Variants in RNF13 observed in about 807,000 individuals in gnomAD.
RNF13 encodes the protein E3 ubiquitin-protein ligase RNF13.
A neutral mutation model predicts 37.7 loss-of-function variants in RNF13; 19 were observed. That is an observed-to-expected ratio of 0.50 (90% CI 0.35 to 0.74). The LOEUF is 0.74. Among genes scored for constraint, RNF13 ranks in the 30% least tolerant of loss-of-function variants. The probability of loss-of-function intolerance (pLI) is 0.01; values close to 1 mark genes in which losing one functional copy is unlikely to be tolerated. For missense variants in RNF13, 375 were observed against 453.0 expected (o/e 0.83, Z 1.56); for synonymous variants, 144 against 157.8 (o/e 0.91, Z 0.65).
At chr3:149,925,699 G>T (rs1718566640) in intron 8 of RNF13, among the ~76,000 whole-genome samples, 1 of 151,730 alleles carries the variant, frequency 6.6e-6, no homozygotes, top group Non-Finnish European at 1.5e-5. Flanking sequence ...TGGTGCATAT[G>T]TCCATGAATT....
intron 6 of RNF13, among the ~76,000 whole-genome samples, chr3:149,906,645 C>CTTTTTTTTTTTTTTTTTTTTT (rs35801459): frequency 1.3e-4 from 10 of 79,150 alleles, no homozygotes; most frequent in South Asian, 5.8e-4. Flanking sequence ...TTCAATTCTG[C>CTTTTTTTTTTTTTTTTTTTTT]TTTTTTTTTT....
chr3:149,932,199 C>A (rs1719225090), intron 8 of RNF13, among the ~76,000 whole-genome samples: 1 of 152,144 alleles, frequency 6.6e-6, no homozygotes, highest in Admixed American at 6.5e-5. Flanking sequence ...GGACACATAT[C>A]CAGCAATGGG....
intron 5 of RNF13, among the ~76,000 whole-genome samples, chr3:149,896,175 G>A (rs1350888122): frequency 6.6e-6 from 1 of 151,996 alleles, no homozygotes; most frequent in East Asian, 1.9e-4. Flanking sequence ...GGGCACTATG[G>A]GGTTTTATCA....
intron 1 of RNF13, among the ~76,000 whole-genome samples, chr3:149,817,580 G>A (rs1719595818): frequency 6.6e-6 from 1 of 152,186 alleles, no homozygotes; most frequent in African/African-American, 2.4e-5. Flanking sequence ...CAGAGACTCT[G>A]TGTGCTTGTT....
chr3:149,873,229 C>G (rs1326946033), intron 4 of RNF13, among the ~76,000 whole-genome samples: 23 of 152,208 alleles, frequency 1.5e-4, no homozygotes, highest in African/African-American at 5.3e-4. Context: ...AGGTTTACTA[C>G]ACTATTATGC....
chr3:149,957,028 A>G (rs190171038), intron 8 of RNF13, among the ~76,000 whole-genome samples: 75 of 152,350 alleles, frequency 4.9e-4, no homozygotes, highest in African/African-American at 1.6e-3. Context: ...ATAGTAACAA[A>G]ACTAACACTT....
Position 149,895,511 on chromosome 3 carries a change from A to G in RNF13, c.360A>G (p.Ile120Met). Residue 120 changes from isoleucine to methionine, a missense_variant, in exon 5 of 10, where the codon ATA becomes ATG. Ile to Met is a conservative substitution (Grantham distance 10). Coordinates refer to ENST00000392894, the MANE Select transcript of RNF13 (RefSeq NM_183381.3). ...AGAGAGCAGGATACAAGGCAGCCAT[A>G]GTTCACAATGTTGATTCTGATGACC... is the stretch of plus-strand genomic sequence containing the variant. ...NAQRAGYKAA[I>M]VHNVDSDDLI... 1 of 1,607,396 alleles carries G rather than the reference A, an allele frequency of 6.2e-7. No homozygotes were observed. Among genetic ancestry groups the G allele is most frequent in the Non-Finnish European group, 8.5e-7 (1 of 1,177,140 alleles).
intron 8 of RNF13, among the ~76,000 whole-genome samples, chr3:149,940,075 CCT>C (rs557909719): frequency 5.1e-4 from 77 of 151,756 alleles, no homozygotes; most frequent in African/African-American, 1.9e-3. Context: ...ATTTGTTGCC[CCT>C]GTTTCTGTTT....
chr3:149,871,510 A>G (rs181239922), intron 3 of RNF13, among the ~76,000 whole-genome samples: 10 of 151,502 alleles, frequency 6.6e-5, no homozygotes, highest in South Asian at 2.1e-4. Context: ...TAAATATACT[A>G]TAATTGTTTA....
Position 149,902,054 on chromosome 3 carries a change from C to G in RNF13, c.410-18C>G. The G allele has an allele frequency of 9.0e-7, 1 of 1,114,716 alleles. No individual in the cohort carries two copies. The highest frequency in any genetic ancestry group is 2.0e-5 in the South Asian group (1 of 51,274). The allele number at this position is 1,114,716 out of a possible 1,614,324, so 69.1% of individuals were successfully genotyped here. A position where few individuals can be genotyped will look rare whatever the true frequency, so the allele number is the denominator to read the frequency against. ...AAATATGGGCTTTTAAGAATAATTT[C>G]ATTATTCTTTTATACAGTTGAGGTA... is the stretch of plus-strand genomic sequence containing the variant. On this transcript the variant is annotated intron_variant, in intron 5 of 9. Coordinates refer to ENST00000392894, the MANE Select transcript of RNF13 (RefSeq NM_183381.3).
chr3:149,856,943 T>A (rs1232884732), intron 3 of RNF13, among the ~76,000 whole-genome samples: 2 of 152,040 alleles, frequency 1.3e-5, no homozygotes, highest in Non-Finnish European at 2.9e-5. Flanking sequence ...AGAGATGGGG[T>A]TTCACCGTGT....
chr3:149,845,274 C>T (rs993581329), intron 1 of RNF13, among the ~76,000 whole-genome samples: 2 of 152,050 alleles, frequency 1.3e-5, no homozygotes, highest in Non-Finnish European at 2.9e-5. Flanking sequence ...TTGTAATGTT[C>T]GTTCTCACTT....
rs75279176 is a variant in RNF13 at position 149,883,551 on chromosome 3, A to T, written c.321+11397A>T. On this transcript the variant is annotated intron_variant, in intron 4 of 9. Transcript: ENST00000392894. ...CATGTAAATGTATTCTTATAATAAT[A>T]AATTATAATTTATAGCTGTTTTAAA... Among the ~76,000 whole-genome samples, 231 of 152,252 alleles carry T rather than the reference A, an allele frequency of 1.5e-3. 1 individual carries two copies. Among genetic ancestry groups the T allele is most frequent in the African/African-American group, 5.3e-3 (221 of 41,560 alleles).
In RNF13 at chr3:149,921,182, C is replaced by G. The variant is rs143447610; in HGVS notation, c.655C>G (p.Arg219Gly). ...DRHRARRNRL[R>G]KDQLKKLPVH... ...ACATAGAGCTAGAAGAAACAGACTT[C>G]GTAAAGATCAACTTAAGAAACTTCC... Residue 219 changes from arginine to glycine, a missense_variant, in exon 8 of 10, where the codon CGT becomes GGT. Coordinates refer to ENST00000392894, the MANE Select transcript of RNF13 (RefSeq NM_183381.3). 7.0e-7 allele frequency: 1 copy of G among 1,426,600 alleles called. No homozygotes were observed. The highest frequency in any genetic ancestry group is 1.7e-5 in the South Asian group (1 of 58,456). 88.4% of individuals were successfully genotyped at this position (1,426,600 alleles called of 1,614,324 possible).
intron 7 of RNF13, among the ~76,000 whole-genome samples, chr3:149,919,652 T>C (rs1004328135): frequency 6.6e-6 from 1 of 152,246 alleles, no homozygotes; most frequent in Non-Finnish European, 1.5e-5. Context: ...CATTTACCTA[T>C]TGATCAACAT....
At chr3:149,893,122 A>T (rs1714888775) in intron 4 of RNF13, among the ~76,000 whole-genome samples, 6 of 152,168 alleles carry the variant, frequency 3.9e-5, no homozygotes. Flanking sequence ...CTCAAGTTCC[A>T]CATTGTGCCT....
chr3:149,831,220 A>G (rs1013221251), intron 1 of RNF13, among the ~76,000 whole-genome samples: 5 of 152,230 alleles, frequency 3.3e-5, no homozygotes, highest in Non-Finnish European at 7.3e-5. Flanking sequence ...GAAGCAGGCC[A>G]CTGTTCTCCA....
intron 7 of RNF13, among the ~76,000 whole-genome samples, chr3:149,912,394 C>G (rs1251064341): frequency 2.0e-5 from 3 of 151,988 alleles, no homozygotes; most frequent in Non-Finnish European, 4.4e-5. Context: ...TGGCATTTGT[C>G]TGGATTCACA....
chr3:149,893,067 A>G (rs1360178861), intron 4 of RNF13, among the ~76,000 whole-genome samples: 1 of 152,182 alleles, frequency 6.6e-6, no homozygotes, highest in Non-Finnish European at 1.5e-5. Context: ...TTGGCTACCC[A>G]TGAGTACTGA....
Sources: allele counts gnomAD v4.1 joint callset (sites outside exome capture counted in the v4.1 genomes callset), GRCh38; gene constraint gnomAD v4.1.1; transcripts MANE v1.5; gene names NCBI Gene and HGNC (gene_info 2026-07-23, HGNC 2026-07-21).